Variants in ROBO1 observed in about 807,000 individuals in gnomAD.
ROBO1 encodes the protein roundabout guidance receptor 1.
A neutral mutation model predicts 195.9 loss-of-function variants in ROBO1; 149 were observed. The ratio of observed to expected loss-of-function variants is 0.76; its 90% CI spans 0.67 to 0.87. ROBO1 has a LOEUF of 0.87. ROBO1 is among the 40% of genes least tolerant of loss of function. The probability of loss-of-function intolerance (pLI) is 0.00; values close to 1 mark genes in which losing one functional copy is unlikely to be tolerated. For missense variants in ROBO1, 1,933 were observed against 2,068.3 expected, an observed-to-expected ratio of 0.93 and a Z score of 1.27; for synonymous variants, 816 against 733.2, an observed-to-expected ratio of 1.11 and a Z score of -1.82.
intron 1 of ROBO1, among the ~76,000 whole-genome samples, chr3:79,674,195 A>G (rs1946714874): frequency 6.6e-6 from 1 of 152,038 alleles, no homozygotes; most frequent in South Asian, 2.1e-4. Flanking sequence ...TGAGACACAC[A>G]GTTCTGGGAA....
chr3:79,423,472 T>C (rs1283961432), intron 2 of ROBO1, among the ~76,000 whole-genome samples: 1 of 152,130 alleles, frequency 6.6e-6, no homozygotes, highest in Non-Finnish European at 1.5e-5. Flanking sequence ...TTTATGGTGT[T>C]ATAGGCCTGC....
intron 8 of ROBO1, among the ~76,000 whole-genome samples, chr3:78,690,086 T>C (rs1575942341): frequency 6.7e-6 from 1 of 149,776 alleles, no homozygotes; most frequent in African/African-American, 2.4e-5. Flanking sequence ...TAAATCTGGG[T>C]ATTTGAATTT....
rs1707435472 is a variant in ROBO1 at position 78,661,999 on chromosome 3, G to A, written c.2082C>T (p.His694=). ...AAATATTGTAACAACTCACTGTCCA[G>A]TGCACTTCGATGGAAGAGGAAGAAA... is the stretch of plus-strand genomic sequence containing the variant. ...TVLSSSSIEV[H]WTVDQQSQYI... is the part of the protein sequence containing the mutation. The change falls in exon 15 of 31, where the codon CAC becomes CAT. Residue 694 remains histidine, a synonymous_variant. Transcript: ENST00000464233. 2 of 1,608,056 alleles carry A rather than the reference G, an allele frequency of 1.2e-6. No individual in the cohort carries two copies. Among genetic ancestry groups the A allele is most frequent in the South Asian group, 1.1e-5 (1 of 89,406 alleles).
At chr3:79,173,651 G>A (rs1041069321) in intron 2 of ROBO1, among the ~76,000 whole-genome samples, 6 of 152,046 alleles carry the variant, frequency 3.9e-5, no homozygotes, top group African/African-American at 9.7e-5. Flanking sequence ...GGATGAGCAC[G>A]GCCCCCTGCT....
intron 22 of ROBO1, among the ~76,000 whole-genome samples, chr3:78,639,302 A>AT (rs1010678049): frequency 1.3e-5 from 2 of 151,936 alleles, no homozygotes; most frequent in African/African-American, 4.8e-5. Context: ...ACTTAAAAAA[A>AT]ATATATAAAA....
intron 3 of ROBO1, among the ~76,000 whole-genome samples, chr3:78,945,414 G>A (rs2040375947): frequency 6.6e-6 from 1 of 152,172 alleles, no homozygotes; most frequent in East Asian, 1.9e-4. Flanking sequence ...AACAGGGTCT[G>A]GAGTGGACCT....
chr3:79,176,171 G>A (rs2081259146), intron 2 of ROBO1, among the ~76,000 whole-genome samples: 2 of 152,148 alleles, frequency 1.3e-5, no homozygotes. Flanking sequence ...AAATGCAAGA[G>A]TGTGTTCAAA....
intron 5 of ROBO1, among the ~76,000 whole-genome samples, chr3:78,725,592 T>C (rs1576028826): frequency 1.3e-5 from 2 of 152,142 alleles, no homozygotes; most frequent in South Asian, 4.1e-4. Context: ...AAGATGTAGC[T>C]TTTCTACCAA....
chr3:78,698,608 G>T (rs1191565124), intron 8 of ROBO1, among the ~76,000 whole-genome samples: 1 of 152,104 alleles, frequency 6.6e-6, no homozygotes, highest in African/African-American at 2.4e-5. Flanking sequence ...GCATTTAGTG[G>T]ACAGAGGCCA....
intron 3 of ROBO1, among the ~76,000 whole-genome samples, chr3:79,087,457 A>G (rs772867256): frequency 1.3e-4 from 20 of 152,052 alleles, no homozygotes; most frequent in African/African-American, 4.3e-4. Context: ...CTTTCTCTCA[A>G]ATAAAGTGAC....
chr3:79,187,879 CT>C (rs1317784949), intron 2 of ROBO1, among the ~76,000 whole-genome samples: 9 of 151,968 alleles, frequency 5.9e-5, no homozygotes, highest in Non-Finnish European at 1.2e-4. Flanking sequence ...AAAAAGAAAA[CT>C]GCCTGAGGAG....
chr3:79,198,817 A>C (rs2081696631), intron 2 of ROBO1, among the ~76,000 whole-genome samples: 1 of 151,950 alleles, frequency 6.6e-6, no homozygotes, highest in African/African-American at 2.4e-5. Context: ...ATGGGAGTTC[A>C]CTCATGATTT....
intron 3 of ROBO1, among the ~76,000 whole-genome samples, chr3:79,075,029 C>T (rs2079149183): frequency 6.6e-6 from 1 of 151,772 alleles, no homozygotes; most frequent in South Asian, 2.1e-4. Context: ...GAATAACTAT[C>T]CACAGAAACT....
intron 2 of ROBO1, among the ~76,000 whole-genome samples, chr3:79,300,799 C>T (rs1012486962): frequency 6.6e-6 from 1 of 152,162 alleles, no homozygotes; most frequent in Non-Finnish European, 1.5e-5. Flanking sequence ...CTGTGTCTAG[C>T]TCAGGGTTTG....
At chr3:79,093,514 A>G (rs1431515886) in intron 3 of ROBO1, among the ~76,000 whole-genome samples, 1 of 152,132 alleles carries the variant, frequency 6.6e-6, no homozygotes, top group African/African-American at 2.4e-5. Context: ...AAACAAAAGC[A>G]GACTAAATTT....
At chr3:79,476,904 C>G (rs1158123063) in intron 2 of ROBO1, among the ~76,000 whole-genome samples, 1 of 151,752 alleles carries the variant, frequency 6.6e-6, no homozygotes, top group African/African-American at 2.4e-5. Flanking sequence ...TCCCCAATAA[C>G]CTATGTAAAT....
At chr3:78,693,584 C>G (rs1002869281) in intron 8 of ROBO1, among the ~76,000 whole-genome samples, 6 of 152,198 alleles carry the variant, frequency 3.9e-5, no homozygotes, top group Admixed American at 1.3e-4. Flanking sequence ...AAATTCTCTA[C>G]TATGATTAAA....
rs150952312 is a variant in ROBO1 at position 78,672,423 on chromosome 3, A to C, written c.1343-2122T>G. On this transcript the variant is annotated intron_variant, in intron 10 of 30. Transcript: ENST00000464233. ...GCAAAACCCCATCTCCACAAAAATA[A>C]AAATAAAAATAAAAATAAATTAGCC... Among the ~76,000 whole-genome samples, 7 of 151,728 alleles carry C rather than the reference A, an allele frequency of 4.6e-5. No homozygotes were observed. The East Asian group carries it at 1.2e-3, about 25-fold the overall frequency.
intron 2 of ROBO1, among the ~76,000 whole-genome samples, chr3:79,400,125 A>C (rs1019503643): frequency 1.3e-5 from 2 of 152,180 alleles, no homozygotes; most frequent in African/African-American, 2.4e-5. Context: ...GTGAGTTCTC[A>C]GCCAAACTAT....
Sources: allele counts gnomAD v4.1 joint callset (sites outside exome capture counted in the v4.1 genomes callset), GRCh38; gene constraint gnomAD v4.1.1; transcripts MANE v1.5; gene names NCBI Gene and HGNC (gene_info 2026-07-23, HGNC 2026-07-21).